Variants in MKLN1 observed in about 807,000 individuals in gnomAD.
MKLN1 encodes the protein muskelin 1, also known as muskelin.
In MKLN1, 18 loss-of-function variants were observed where a neutral mutation model predicts 99.0. The observed-to-expected ratio is 0.18, with a 90% confidence interval of 0.13 to 0.27. The LOEUF (loss-of-function observed/expected upper bound fraction) is 0.27, where lower values mean the gene tolerates loss of function less well. MKLN1 is among the 10% of genes least tolerant of loss of function. MKLN1 has a pLI of 1.00. For synonymous variants in MKLN1, 288 were observed against 293.2 expected, an observed-to-expected ratio of 0.98 and a Z score of 0.18; for missense variants, 621 against 875.9, an observed-to-expected ratio of 0.71 and a Z score of 3.67.
At chr7:131,268,661 C>T (rs1253596300) in intron 3 of MKLN1, among the ~76,000 whole-genome samples, 3 of 152,140 alleles carry the variant, frequency 2.0e-5, no homozygotes, top group African/African-American at 7.2e-5. Context: ...AACTGGCACC[C>T]ATCACTTTCA....
intron 9 of MKLN1, among the ~76,000 whole-genome samples, chr7:131,437,383 C>A (rs1352535279): frequency 1.3e-5 from 2 of 152,120 alleles, no homozygotes; most frequent in African/African-American, 2.4e-5. Context: ...ATGAGAAATA[C>A]AAAAATGTTC....
intron 3 of MKLN1, among the ~76,000 whole-genome samples, chr7:131,214,036 C>A (rs1303766410): frequency 1.3e-5 from 2 of 151,840 alleles, no homozygotes; most frequent in African/African-American, 4.8e-5. Context: ...GTATTTTTTT[C>A]TAGAAGTATA....
chr7:131,456,884 C>T (rs942168220), intron 12 of MKLN1, among the ~76,000 whole-genome samples: 1 of 151,874 alleles, frequency 6.6e-6, no homozygotes, highest in African/African-American at 2.4e-5. Context: ...CCCTGAAAAA[C>T]ATTACCTTGC....
chr7:131,391,291 A>G (rs543691140), intron 4 of MKLN1, among the ~76,000 whole-genome samples: 13 of 152,306 alleles, frequency 8.5e-5, no homozygotes, highest in South Asian at 8.3e-4. Context: ...TCTGTGTTCT[A>G]TAGTGACATG....
At chr7:131,311,893 T>C (rs1014985701) in intron 3 of MKLN1, among the ~76,000 whole-genome samples, 1 of 152,290 alleles carries the variant, frequency 6.6e-6, no homozygotes, top group Non-Finnish European at 1.5e-5. Context: ...TTAAAAATCT[T>C]ATTCAAAAGA....
At chr7:131,281,387 T>G (rs1798049651) in intron 3 of MKLN1, among the ~76,000 whole-genome samples, 1 of 152,328 alleles carries the variant, frequency 6.6e-6, no homozygotes, top group Middle Eastern at 3.4e-3. Flanking sequence ...GTCTATTCCA[T>G]TCATCTATAT....
chr7:131,113,774 A>C (rs1335059290), intron 1 of MKLN1, among the ~76,000 whole-genome samples: 4 of 152,148 alleles, frequency 2.6e-5, no homozygotes, highest in African/African-American at 9.7e-5. Context: ...CAATGAGCAG[A>C]GATCATGCCA....
chr7:131,375,508 A>T lies in MKLN1; in HGVS notation c.168+15A>T. The T allele has an allele frequency of 1.3e-6, 2 of 1,519,848 alleles. No homozygotes were observed. The highest frequency in any genetic ancestry group is 1.8e-6 in the Non-Finnish European group (2 of 1,094,310). 94.1% of individuals were successfully genotyped at this position (1,519,848 alleles called of 1,614,324 possible). A position where few individuals can be genotyped will look rare whatever the true frequency, so the allele number is the denominator to read the frequency against. Reference sequence around the variant, plus strand: ...ATCCTCCCCAGGTAAGATTACATGTATCCCTTAATGCTGTTTAGAAGTCAC... The same window carrying T: ...ATCCTCCCCAGGTAAGATTACATGTTTCCCTTAATGCTGTTTAGAAGTCAC... On this transcript the variant is annotated intron_variant, in intron 2 of 17. Transcript: ENST00000352689.
At chr7:131,456,680 A>G (rs938889387) in intron 12 of MKLN1, among the ~76,000 whole-genome samples, 1 of 151,588 alleles carries the variant, frequency 6.6e-6, no homozygotes, top group African/African-American at 2.4e-5. Flanking sequence ...TCCTCTTTAA[A>G]CCCTTGCCTG....
intron 3 of MKLN1, among the ~76,000 whole-genome samples, chr7:131,289,340 A>T (rs1380495894): frequency 6.6e-6 from 1 of 152,166 alleles, no homozygotes; most frequent in Non-Finnish European, 1.5e-5. Context: ...TAAAACCTAC[A>T]AGTAGCCAGG....
rs569973347 is a variant in MKLN1 at position 131,382,786 on chromosome 7, C to T, written c.169-4334C>T. Among the ~76,000 whole-genome samples, 27 of 152,100 alleles carry T rather than the reference C, an allele frequency of 1.8e-4. No individual in the cohort carries two copies. The East Asian group carries it at 2.5e-3, about 14-fold the overall frequency. On this transcript the variant is annotated intron_variant, in intron 2 of 17. Transcript: ENST00000352689. ...TCTCCCAGGCTGGAGTGCAGTGGTG[C>T]GATCTTGGCTCACTGCAAGCTCCGC...
chr7:131,200,121 G>A (rs1002008772), intron 2 of MKLN1, among the ~76,000 whole-genome samples: 2 of 152,134 alleles, frequency 1.3e-5, no homozygotes, highest in South Asian at 4.1e-4. Flanking sequence ...CCATCCTCCT[G>A]CCTCAGTCTC....
Position 131,371,832 on chromosome 7 carries a change from C to T in MKLN1, c.99-3592C>T, listed in dbSNP as rs116512018. The stretch of plus-strand genomic sequence containing the variant: ...GCTGTTAATCTCCTATTTTTAGAAT[C>T]AATTTCTTCTCATATTTACTGTGGT... On this transcript the variant is annotated intron_variant, in intron 1 of 17. Transcript: ENST00000352689. Among the ~76,000 whole-genome samples the T allele has an allele frequency of 7.6e-3, 1,157 of 151,418 alleles. 17 individuals are homozygous for T. Among genetic ancestry groups the T allele is most frequent in the African/African-American group, 0.026 (1,093 of 41,294 alleles).
At chr7:131,437,671 A>C (rs1795712563) in intron 9 of MKLN1, 114 bp from the exon 10 acceptor site, 1 of 789,822 alleles carries the variant, frequency 1.3e-6, no homozygotes, top group African/African-American at 1.7e-5. Context: ...AGTTTCTGAG[A>C]AACCTTTTAA....
At chr7:131,308,590 C>CT (rs60430767) in intron 3 of MKLN1, among the ~76,000 whole-genome samples, 99 of 144,278 alleles carry the variant, frequency 6.9e-4, no homozygotes, top group Admixed American at 2.9e-3. Context: ...TTTGTTTTTT[C>CT]TTTTTTTTTT....
At chr7:131,314,019 G>A (rs569168157) in intron 3 of MKLN1, among the ~76,000 whole-genome samples, 8 of 152,264 alleles carry the variant, frequency 5.3e-5, no homozygotes, top group African/African-American at 1.7e-4. Flanking sequence ...TATTTAAACC[G>A]TGCCTTTCTT....
rs1199686495 is a variant in MKLN1, at chr7:131,327,899, G to A, written c.-1G>A. ...GTGGCGGCCGCTACGGTGCTGACAA[G>A]ATGGCGGCTGGCGGAGCTGTCGCTG... is the stretch of plus-strand genomic sequence containing the variant. On this transcript the variant is annotated 5_prime_UTR_variant, in exon 1 of 18. Coordinates refer to ENST00000352689, the MANE Select transcript of MKLN1 (RefSeq NM_013255.5). 1.9e-6 allele frequency: 3 copies of A among 1,612,320 alleles called. No individual in the cohort carries two copies. The highest frequency in any genetic ancestry group is 2.2e-5 in the South Asian group (2 of 91,074).
chr7:131,173,419 T>C (rs911330505), intron 2 of MKLN1, among the ~76,000 whole-genome samples: 2 of 152,062 alleles, frequency 1.3e-5, no homozygotes, highest in Admixed American at 6.6e-5. Context: ...CAAATTAGCT[T>C]TATAAAAACA....
chr7:131,456,861 A>G (rs1286558066), intron 12 of MKLN1, among the ~76,000 whole-genome samples: 3 of 152,160 alleles, frequency 2.0e-5, no homozygotes, highest in Non-Finnish European at 4.4e-5. Flanking sequence ...CTTACCAGAA[A>G]GAAGAGCTGA....
Sources: allele counts gnomAD v4.1 joint callset (sites outside exome capture counted in the v4.1 genomes callset), GRCh38; gene constraint gnomAD v4.1.1; transcripts MANE v1.5; gene names NCBI Gene and HGNC (gene_info 2026-07-23, HGNC 2026-07-21).